Variants in DNER observed in about 807,000 individuals in gnomAD.
The protein encoded by DNER is delta/notch like EGF repeat containing.
A neutral mutation model predicts 78.2 loss-of-function variants in DNER; 33 were observed. The observed-to-expected ratio is 0.42, with a 90% CI of 0.32 to 0.56. The LOEUF (loss-of-function observed/expected upper bound fraction) is 0.56, where lower values mean the gene tolerates loss of function less well. Among genes scored for constraint, DNER ranks in the 20% least tolerant of loss-of-function variants. The pLI is 0.11. For missense variants in DNER, 918 were observed against 975.3 expected, an observed-to-expected ratio of 0.94 and a Z score of 0.78; for synonymous variants, 417 against 384.8, an observed-to-expected ratio of 1.08 and a Z score of -0.98.
At chr2:229,627,092 C>G (rs1316223244) in intron 1 of DNER, among the ~76,000 whole-genome samples, 1 of 152,170 alleles carries the variant, frequency 6.6e-6, no homozygotes, top group Non-Finnish European at 1.5e-5. Flanking sequence ...TCTTTGTATG[C>G]AGTGTAAATC....
intron 1 of DNER, among the ~76,000 whole-genome samples, chr2:229,676,836 C>T (rs1330136940): frequency 6.6e-6 from 1 of 152,162 alleles, no homozygotes; most frequent in Non-Finnish European, 1.5e-5. Flanking sequence ...ACTCATAGAG[C>T]TGTCACCCAG....
At chr2:229,387,794 C>T (rs1692925230) in intron 11 of DNER, among the ~76,000 whole-genome samples, 1 of 151,964 alleles carries the variant, frequency 6.6e-6, no homozygotes, top group Non-Finnish European at 1.5e-5. Flanking sequence ...GAACTTTTCT[C>T]GAGGCAATAG....
chr2:229,710,500 C>T (rs1048252057), intron 1 of DNER, among the ~76,000 whole-genome samples: 1 of 152,200 alleles, frequency 6.6e-6, no homozygotes. Flanking sequence ...GCTCATAGGA[C>T]ATTGCAAGGA....
intron 4 of DNER, among the ~76,000 whole-genome samples, chr2:229,574,458 G>A (rs1157769260): frequency 6.6e-6 from 1 of 151,320 alleles, no homozygotes; most frequent in Non-Finnish European, 1.5e-5. Context: ...ATAAAAGATT[G>A]TCAGTGAAAC....
At chr2:229,538,434 G>A (rs901598013) in intron 5 of DNER, among the ~76,000 whole-genome samples, 7 of 152,028 alleles carry the variant, frequency 4.6e-5, no homozygotes, top group South Asian at 2.1e-4. Flanking sequence ...GTGCAATCTC[G>A]GCTCACCAAA....
chr2:229,402,826 C>T (rs779313048), intron 10 of DNER, among the ~76,000 whole-genome samples: 3 of 152,156 alleles, frequency 2.0e-5, no homozygotes, highest in Non-Finnish European at 4.4e-5. Flanking sequence ...GCTTCGGTGA[C>T]AAGAGTGGTC....
intron 6 of DNER, among the ~76,000 whole-genome samples, chr2:229,488,302 G>A (rs1695320737): frequency 6.6e-6 from 1 of 152,252 alleles, no homozygotes; most frequent in African/African-American, 2.4e-5. Context: ...GTGTGTGGAT[G>A]TGGATGTGGG....
chr2:229,525,096 G>A (rs1284792401), intron 5 of DNER, among the ~76,000 whole-genome samples: 2 of 152,092 alleles, frequency 1.3e-5, no homozygotes, highest in East Asian at 3.9e-4. Flanking sequence ...TCTTTCACAT[G>A]TGTGGTTCAT....
intron 8 of DNER, among the ~76,000 whole-genome samples, chr2:229,430,442 A>G (rs921509607): frequency 6.6e-6 from 1 of 152,146 alleles, no homozygotes; most frequent in Non-Finnish European, 1.5e-5. Context: ...TCCACCCTTA[A>G]TCTGAGTGGG....
chr2:229,521,411 C>T (rs1696095638), intron 5 of DNER, among the ~76,000 whole-genome samples: 1 of 152,224 alleles, frequency 6.6e-6, no homozygotes, highest in African/African-American at 2.4e-5. Context: ...TCACAGAAAC[C>T]TTGTCCTGCT....
intron 4 of DNER, among the ~76,000 whole-genome samples, chr2:229,568,017 A>C (rs149757809): frequency 6.6e-6 from 1 of 152,334 alleles, no homozygotes; most frequent in Non-Finnish European, 1.5e-5. Context: ...TCACTATTAG[A>C]ATATCTAACA....
chr2:229,541,691 C>G (rs1696517066), intron 5 of DNER, among the ~76,000 whole-genome samples: 1 of 151,914 alleles, frequency 6.6e-6, no homozygotes, highest in South Asian at 2.1e-4. Context: ...AGCCTGACCT[C>G]CACTATGCAA....
At chr2:229,577,496 G>A (rs1968184) in intron 4 of DNER, among the ~76,000 whole-genome samples, 121,549 of 152,080 alleles carry the variant, frequency 0.8, 49,717 homozygotes, top group Non-Finnish European at 0.89. Flanking sequence ...TTAGCTGGGC[G>A]TGGTGGTGGG....
intron 7 of DNER, among the ~76,000 whole-genome samples, chr2:229,449,840 A>G (rs549145291): frequency 1.3e-5 from 2 of 152,246 alleles, no homozygotes; most frequent in South Asian, 4.1e-4. Flanking sequence ...CTGGAGTGCA[A>G]TGGCACAATC....
At chr2:229,464,961 G>C (rs1694774731) in intron 7 of DNER, among the ~76,000 whole-genome samples, 2 of 152,148 alleles carry the variant, frequency 1.3e-5, no homozygotes, top group Non-Finnish European at 1.5e-5. Flanking sequence ...TCAGAATCTG[G>C]AGAAAAGGAA....
Position 229,591,844 on chromosome 2 carries a change from G to T in DNER, c.321C>A (p.Asn107Lys). 6.2e-7 allele frequency: 1 copy of T among 1,610,338 alleles called. No homozygotes were observed. Among genetic ancestry groups the T allele is most frequent in the Non-Finnish European group, 8.5e-7 (1 of 1,178,010 alleles). ...PCASNPCHHG[N>K]CSSSSSSSSD... ...TGCTGCTGCTGCTGCTGCTGCTGCA[G>T]TTGCCATGGTGACAAGGGTTGCTGG... The change falls in exon 2 of 13, where the codon AAC (asparagine) becomes AAA (lysine). Residue 107 changes from asparagine (N) to lysine (K), a missense_variant. Physicochemically the swap from Asn to Lys is moderately conservative, Grantham distance 94 (BLOSUM62 0). Transcript: ENST00000341772. The surrounding 1 kb of genome is among the most constrained non-coding windows in gnomAD (Gnocchi z 4.6).
rs528796023 is a variant in DNER at position 229,591,099 on chromosome 2, A to G, written c.585+481T>C. On this transcript the variant is annotated intron_variant, in intron 2 of 12. Transcript: ENST00000341772. This position sits in a 1 kb window ranked among gnomAD's most constrained non-coding sequence, Gnocchi z 4.6. ...TGTACAGCCTGAAGAACAATGAGCCAATAAACTTCTTTTCTCTATAAATTG... is the reference window on the plus strand; with the variant it reads ...TGTACAGCCTGAAGAACAATGAGCCGATAAACTTCTTTTCTCTATAAATTG... Among the ~76,000 whole-genome samples the G allele has an allele frequency of 1.1e-4, 17 of 152,360 alleles. No homozygotes were observed. Among genetic ancestry groups the G allele is most frequent in the African/African-American group, 3.8e-4 (16 of 41,590 alleles).
At chr2:229,402,830 A>C (rs1693296957) in intron 10 of DNER, among the ~76,000 whole-genome samples, 1 of 152,226 alleles carries the variant, frequency 6.6e-6, no homozygotes, top group Non-Finnish European at 1.5e-5. Flanking sequence ...CGGTGACAAG[A>C]GTGGTCCCAA....
At chr2:229,408,977 C>T (rs115633080) in intron 9 of DNER, among the ~76,000 whole-genome samples, 9,776 of 152,276 alleles carry the variant, frequency 0.064, 788 homozygotes, top group African/African-American at 0.19. Context: ...GATACAGCAT[C>T]CCGCAGCCAT....
Sources: allele counts gnomAD v4.1 joint callset (sites outside exome capture counted in the v4.1 genomes callset), GRCh38; gene constraint gnomAD v4.1.1; non-coding constraint Gnocchi (gnomAD v3.1); transcripts MANE v1.5; gene names NCBI Gene and HGNC (gene_info 2026-07-23, HGNC 2026-07-21).